Variants in SHC3 observed in about 807,000 individuals in gnomAD.
SHC3 encodes SHC-transforming protein 3.
SHC3 carries 15 observed loss-of-function variants against 60.4 expected under a neutral mutation model. The observed-to-expected ratio is 0.25, with a 90% CI of 0.17 to 0.38. The LOEUF (loss-of-function observed/expected upper bound fraction) is 0.38, where lower values mean the gene tolerates loss of function less well. Ranked by LOEUF, SHC3 falls within the 10% of genes least tolerant of loss-of-function variation. SHC3 has a pLI of 1.00. For missense variants in SHC3, 677 were observed against 786.1 expected (o/e 0.86, Z 1.66); for synonymous variants, 294 against 325.9 (o/e 0.90, Z 1.05).
intron 3 of SHC3, among the ~76,000 whole-genome samples, chr9:89,077,196 C>A (rs145910294): frequency 1.2e-4 from 17 of 145,932 alleles, no homozygotes; most frequent in African/African-American, 4.1e-4. Flanking sequence ...AAAAAAAAAA[C>A]AAAAAAAAAC....
intron 1 of SHC3, among the ~76,000 whole-genome samples, chr9:89,149,847 G>A (rs532017054): frequency 1.1e-4 from 16 of 152,132 alleles, no homozygotes; most frequent in African/African-American, 1.4e-4. Flanking sequence ...TAAGTCTTCC[G>A]TTGCACACTC....
intron 2 of SHC3, among the ~76,000 whole-genome samples, chr9:89,078,663 G>C (rs959118838): frequency 6.6e-6 from 1 of 152,268 alleles, no homozygotes; most frequent in African/African-American, 2.4e-5. Context: ...CACAGCTGAG[G>C]GCTAGGGTGG....
chr9:89,123,099 T>C (rs1372533187), intron 1 of SHC3, among the ~76,000 whole-genome samples: 1 of 152,156 alleles, frequency 6.6e-6, no homozygotes, highest in Non-Finnish European at 1.5e-5. Flanking sequence ...TTTTCCCTAT[T>C]GCACATGCAT....
chr9:89,015,229 A>G (rs556199998), intron 11 of SHC3, among the ~76,000 whole-genome samples: 1 of 152,356 alleles, frequency 6.6e-6, no homozygotes, highest in Admixed American at 6.5e-5. Context: ...ACTTGAGACC[A>G]GTATTGGGGT....
intron 1 of SHC3, among the ~76,000 whole-genome samples, chr9:89,129,796 C>G (rs1305680034): frequency 1.3e-5 from 2 of 152,076 alleles, no homozygotes; most frequent in Non-Finnish European, 2.9e-5. Context: ...CCAGCCACAG[C>G]AAAAACATGC....
intron 2 of SHC3, among the ~76,000 whole-genome samples, chr9:89,105,588 C>G (rs1825847833): frequency 6.6e-6 from 1 of 152,106 alleles, no homozygotes; most frequent in Non-Finnish European, 1.5e-5. Flanking sequence ...TAAGCACTTA[C>G]TTAGTGTTTT....
chr9:89,164,606 C>T (rs1027951238), intron 1 of SHC3, among the ~76,000 whole-genome samples: 1 of 151,774 alleles, frequency 6.6e-6, no homozygotes, highest in Non-Finnish European at 1.5e-5. Flanking sequence ...CAGCAGAGAG[C>T]TTTTAATTAG....
intron 1 of SHC3, among the ~76,000 whole-genome samples, chr9:89,165,710 C>T (rs1315934670): frequency 6.6e-6 from 1 of 152,040 alleles, no homozygotes; most frequent in Non-Finnish European, 1.5e-5. Context: ...ATGAACAGTG[C>T]AGTGACACAT....
Position 89,007,751 on chromosome 9 carries a change from CCTT to C in SHC3, c.*5693_*5695del, listed in dbSNP as rs1273245588. On this transcript the variant is annotated 3_prime_UTR_variant, in exon 12 of 12. Coordinates refer to ENST00000375835, the MANE Select transcript of SHC3 (RefSeq NM_016848.6). ...TCTTCTCACCTTTATTCTGCCTCCA[CCTT>C]CTTCTTTCTTTGTCTTCCCCCACTG... The C allele has an allele frequency of 6.6e-6, 1 of 152,454 alleles. No homozygotes were observed. Among genetic ancestry groups the C allele is most frequent in the Non-Finnish European group, 1.5e-5 (1 of 68,196 alleles). 9.4% of individuals were successfully genotyped at this position (152,454 alleles called of 1,614,324 possible). A position where few individuals can be genotyped will look rare whatever the true frequency, so the allele number is the denominator to read the frequency against.
Position 89,017,033 on chromosome 9 carries a change from G to A in SHC3, c.1657-3458C>T, listed in dbSNP as rs140453654. Among the ~76,000 whole-genome samples the A allele has an allele frequency of 1.6e-3, 242 of 152,222 alleles. 1 individual carries two copies. The highest frequency in any genetic ancestry group is 5.1e-3 in the African/African-American group (212 of 41,528). ...CAATGGAAACACATTCCATGCTCAT[G>A]GATAGGAAGAATCGATATCGTGAAA... On this transcript the variant is annotated intron_variant, in intron 11 of 11. Coordinates refer to ENST00000375835, the MANE Select transcript of SHC3 (RefSeq NM_016848.6).
intron 11 of SHC3, among the ~76,000 whole-genome samples, chr9:89,020,860 C>T (rs1002963682): frequency 9.2e-5 from 14 of 152,176 alleles, no homozygotes; most frequent in African/African-American, 3.1e-4. Context: ...TGGAGCTCTG[C>T]CACTGGGTGC....
At chr9:89,129,515 G>C (rs915291027) in intron 1 of SHC3, among the ~76,000 whole-genome samples, 1 of 152,110 alleles carries the variant, frequency 6.6e-6, no homozygotes, top group South Asian at 2.1e-4. Context: ...GAGAAAGGTC[G>C]GGTTACCCAC....
intron 2 of SHC3, among the ~76,000 whole-genome samples, chr9:89,095,413 A>G (rs948838539): frequency 6.6e-6 from 1 of 152,206 alleles, no homozygotes; most frequent in African/African-American, 2.4e-5. Context: ...TCAAATTCAT[A>G]GAGACAGAAC....
intron 2 of SHC3, among the ~76,000 whole-genome samples, chr9:89,101,375 A>G (rs1244869864): frequency 2.0e-5 from 3 of 151,994 alleles, no homozygotes; most frequent in Non-Finnish European, 4.4e-5. Context: ...CTTCTTGTCT[A>G]ATTTGAATGG....
intron 1 of SHC3, among the ~76,000 whole-genome samples, chr9:89,120,806 C>A (rs1441180754): frequency 2.0e-5 from 3 of 151,212 alleles, no homozygotes; most frequent in African/African-American, 4.9e-5. Flanking sequence ...ATGTTGAAAT[C>A]CCAGAAAGAT....
chr9:89,138,884 T>C (rs972236769), intron 1 of SHC3, among the ~76,000 whole-genome samples: 19 of 152,236 alleles, frequency 1.2e-4, no homozygotes, highest in South Asian at 2.1e-4. Flanking sequence ...ATAGTAAGGG[T>C]GATTCATGAC....
intron 1 of SHC3, among the ~76,000 whole-genome samples, chr9:89,131,133 T>C (rs1291201504): frequency 6.6e-6 from 1 of 152,154 alleles, no homozygotes; most frequent in East Asian, 1.9e-4. Context: ...TAAACACCTC[T>C]ACTCAAATAA....
chr9:89,029,201 G>A (rs1356271938), intron 11 of SHC3, among the ~76,000 whole-genome samples: 1 of 151,648 alleles, frequency 6.6e-6, no homozygotes, highest in Non-Finnish European at 1.5e-5. Context: ...AAAAAATATA[G>A]AAGGCAGGAA....
chr9:89,150,877 G>C (rs1276743857), intron 1 of SHC3, among the ~76,000 whole-genome samples: 1 of 152,036 alleles, frequency 6.6e-6, no homozygotes, highest in Non-Finnish European at 1.5e-5. Context: ...AATTGTTATT[G>C]TCCATTTTTT....
Sources: allele counts gnomAD v4.1 joint callset (sites outside exome capture counted in the v4.1 genomes callset), GRCh38; gene constraint gnomAD v4.1.1; transcripts MANE v1.5; gene names NCBI Gene and HGNC (gene_info 2026-07-23, HGNC 2026-07-21).